HEYL: variants seen among roughly 807,000 people sequenced by gnomAD.
HEYL encodes hairy/enhancer-of-split related with YRPW motif-like protein.
In HEYL, 12 loss-of-function variants were observed where a neutral mutation model predicts 18.6. That is an observed-to-expected ratio of 0.65 (90% CI 0.41 to 1.05). The LOEUF (loss-of-function observed/expected upper bound fraction) is 1.05. Among genes scored for constraint, HEYL ranks in the 50% least tolerant of loss-of-function variants. The pLI is 0.00. For missense variants in HEYL, 420 were observed against 444.7 expected, an observed-to-expected ratio of 0.94 and a Z score of 0.50; for synonymous variants, 159 against 179.6, an observed-to-expected ratio of 0.89 and a Z score of 0.91.
intron 2 of HEYL, 137 bp downstream of exon 2, chr1:39,632,512 G>T: frequency 1.3e-6 from 1 of 782,948 alleles, no homozygotes; most frequent in Non-Finnish European, 2.1e-6. Flanking sequence ...CTGATAGCTA[G>T]TGACAGAGCC....
chr1:39,631,681 A>T, intron 2 of HEYL, 102 bp from the exon 3 acceptor site: 1 of 884,588 alleles, frequency 1.1e-6, no homozygotes, highest in Non-Finnish European at 1.9e-6. Context: ...TATTTTTGTG[A>T]GGGAGATCAA....
chr1:39,623,983 CA>C lies in HEYL; in HGVS notation c.*2523del, dbSNP rs1369764845. ...ATGATACGATATGACCTGCAGCTTTCAATTTCTCTCTGCTGCTACTGAGAAC... is the reference window on the plus strand; with the variant it reads ...ATGATACGATATGACCTGCAGCTTTCATTTCTCTCTGCTGCTACTGAGAAC... On this transcript the variant is annotated 3_prime_UTR_variant, in exon 5 of 5. Coordinates refer to ENST00000372852, the MANE Select transcript of HEYL (RefSeq NM_014571.4). 6.6e-6 allele frequency among the ~76,000 whole-genome samples: 1 copy of C among 152,190 alleles called. No homozygotes were observed. Among genetic ancestry groups the C allele is most frequent in the Non-Finnish European group, 1.5e-5 (1 of 68,046 alleles).
rs1236025126 is a variant in HEYL at position 39,623,442 on chromosome 1, C to T, written c.*3065G>A. 1.3e-5 allele frequency among the ~76,000 whole-genome samples: 2 copies of T among 152,246 alleles called. No homozygotes were observed. The highest frequency in any genetic ancestry group is 6.5e-5 in the Admixed American group (1 of 15,290). ...GATATCTCACCTTCTCAGTTCACTT[C>T]TTCAACAAGTATTTATTGAACGCCA... On this transcript the variant is annotated 3_prime_UTR_variant, in exon 5 of 5. Coordinates refer to ENST00000372852, the MANE Select transcript of HEYL (RefSeq NM_014571.4).
intron 1 of HEYL, among the ~76,000 whole-genome samples, chr1:39,638,963 C>G (rs1368543695): frequency 6.6e-6 from 1 of 152,070 alleles, no homozygotes; most frequent in Non-Finnish European, 1.5e-5. Context: ...TATGGGGGCA[C>G]GATAGGAGGA....
At chr1:39,636,813 CA>C (rs1214007613) in intron 1 of HEYL, among the ~76,000 whole-genome samples, 2 of 152,196 alleles carry the variant, frequency 1.3e-5, no homozygotes, top group Non-Finnish European at 2.9e-5. Context: ...GTCCAGTCTT[CA>C]CACTTCCGGT....
intron 1 of HEYL, among the ~76,000 whole-genome samples, chr1:39,634,946 C>T (rs1029525243): frequency 6.6e-6 from 1 of 152,220 alleles, no homozygotes; most frequent in African/African-American, 2.4e-5. Flanking sequence ...ACCATAAAAT[C>T]TATGGCCTAG....
intron 1 of HEYL, 194 bp from the exon 2 acceptor site, chr1:39,632,909 G>A (rs1163698313): frequency 1.0e-6 from 1 of 985,232 alleles, no homozygotes; most frequent in East Asian, 1.1e-4. Context: ...TCTTGGTCCG[G>A]ACCTGCTCGG....
rs1184052120 is a variant in HEYL, at chr1:39,629,683, T to A, written c.313+544A>T. On this transcript the variant is annotated intron_variant, in intron 4 of 4. Transcript: ENST00000372852. ...CAGAATTTCTATTTGTCTGGAAGTG[T>A]CTTTAAAGCCACTGTTCCCTTACTT... is the stretch of plus-strand genomic sequence containing the variant. Among the ~76,000 whole-genome samples, 5 of 152,226 alleles carry A rather than the reference T, an allele frequency of 3.3e-5. No individual in the cohort carries two copies. In the East Asian group the frequency reaches 7.7e-4, roughly 23 times the overall value.
intron 2 of HEYL, 120 bp downstream of exon 2, chr1:39,632,529 T>C: frequency 1.1e-6 from 1 of 897,412 alleles, no homozygotes; most frequent in Non-Finnish European, 1.7e-6. Context: ...AGCCGGGATT[T>C]GAACCCAAGC....
Sources: allele counts gnomAD v4.1 joint callset (sites outside exome capture counted in the v4.1 genomes callset), GRCh38; gene constraint gnomAD v4.1.1; transcripts MANE v1.5; gene names NCBI Gene and HGNC (gene_info 2026-07-23, HGNC 2026-07-21).